Variants in RSU1 observed in about 807,000 individuals in gnomAD.
The protein encoded by RSU1 is Ras suppressor protein 1.
RSU1 carries 26 observed loss-of-function variants against 31.1 expected under a neutral mutation model. The observed-to-expected ratio is 0.84, with a 90% CI of 0.61 to 1.16. The LOEUF (loss-of-function observed/expected upper bound fraction) is 1.16. Ranked by LOEUF, RSU1 falls within the 50% of genes most tolerant of loss-of-function variation. RSU1 has a pLI of 0.00. For synonymous variants in RSU1, 164 were observed against 136.3 expected, an observed-to-expected ratio of 1.20 and a Z score of -1.41; for missense variants, 320 against 339.1, an observed-to-expected ratio of 0.94 and a Z score of 0.44.
At chr10:16,767,139 C>G (rs1837330110) in intron 3 of RSU1, 1 of 152,250 alleles carries the variant, frequency 6.6e-6, no homozygotes, top group Non-Finnish European at 1.5e-5. Flanking sequence ...GACCTCATCC[C>G]TCCCCTGTCC....
intron 6 of RSU1, 87 bp downstream of exon 6, chr10:16,752,831 C>G: frequency 1.6e-6 from 2 of 1,252,550 alleles, no homozygotes; most frequent in Non-Finnish European, 2.3e-6. Flanking sequence ...CAAAACAAAC[C>G]TTACTCCTGC....
chr10:16,693,724 T>G (rs1835614070), intron 8 of RSU1, among the ~76,000 whole-genome samples: 1 of 151,964 alleles, frequency 6.6e-6, no homozygotes, highest in Admixed American at 6.6e-5. Flanking sequence ...TAGCTGGGCA[T>G]GGTGGTGTGC....
chr10:16,651,903 A>C (rs1047370080), intron 8 of RSU1, among the ~76,000 whole-genome samples: 3 of 152,234 alleles, frequency 2.0e-5, no homozygotes, highest in African/African-American at 7.2e-5. Flanking sequence ...AAAGTAAGTA[A>C]ATGAAATATT....
chr10:16,660,645 C>CTTGTTT (rs1554764415), intron 8 of RSU1, among the ~76,000 whole-genome samples: 4 of 79,542 alleles, frequency 5.0e-5, no homozygotes, highest in Non-Finnish European at 6.5e-5. Flanking sequence ...CTTGAACTCT[C>CTTGTTT]TTTTTTTTTT....
intron 2 of RSU1, among the ~76,000 whole-genome samples, chr10:16,801,610 G>A (rs1341047249): frequency 6.6e-6 from 1 of 151,974 alleles, no homozygotes; most frequent in Non-Finnish European, 1.5e-5. Flanking sequence ...AGCTTGCACA[G>A]AACATTCATA....
chr10:16,652,260 T>C (rs1834697645), intron 8 of RSU1, among the ~76,000 whole-genome samples: 1 of 151,974 alleles, frequency 6.6e-6, no homozygotes, highest in East Asian at 1.9e-4. Flanking sequence ...AAAATTCTCA[T>C]AGAAAAAGAA....
At chr10:16,768,731 G>A (rs1264400947) in intron 3 of RSU1, among the ~76,000 whole-genome samples, 5 of 152,198 alleles carry the variant, frequency 3.3e-5, no homozygotes, top group Non-Finnish European at 7.3e-5. Flanking sequence ...CTGAAGAACT[G>A]AATGTGATTC....
At chr10:16,742,460 G>A (rs1395831739) in intron 7 of RSU1, among the ~76,000 whole-genome samples, 3 of 151,918 alleles carry the variant, frequency 2.0e-5, no homozygotes, top group African/African-American at 7.3e-5. Flanking sequence ...ATTTGGGTCT[G>A]ACTCAGTATA....
intron 4 of RSU1, among the ~76,000 whole-genome samples, chr10:16,761,866 C>T (rs920217994): frequency 6.6e-6 from 1 of 152,044 alleles, no homozygotes; most frequent in South Asian, 2.1e-4. Context: ...AAAAACAAAA[C>T]AAAACAAAAG....
At chr10:16,750,409 A>G (rs796717352) in intron 7 of RSU1, among the ~76,000 whole-genome samples, 66 of 152,344 alleles carry the variant, frequency 4.3e-4, no homozygotes, top group African/African-American at 1.5e-3. Flanking sequence ...CTACACCTGA[A>G]TAAAAATATA....
rs1833538459 is a variant in RSU1, at chr10:16,593,080, G to C, written c.*314C>G. 1 of 222,018 alleles carries C rather than the reference G, an allele frequency of 4.5e-6. No individual in the cohort carries two copies. Among genetic ancestry groups the C allele is most frequent in the African/African-American group, 2.3e-5 (1 of 44,066 alleles). The allele number at this position is 222,018 out of a possible 1,614,324, so 13.8% of individuals were successfully genotyped here. A position where few individuals can be genotyped will look rare whatever the true frequency, so the allele number is the denominator to read the frequency against. Reference sequence around the variant, plus strand: ...GTTACATGATTTTAATTATTCTTTTGATAATAAGCAACCTTGTGATATCTA... The same window carrying C: ...GTTACATGATTTTAATTATTCTTTTCATAATAAGCAACCTTGTGATATCTA... On this transcript the variant is annotated 3_prime_UTR_variant, in exon 9 of 9. Transcript: ENST00000345264.
chr10:16,613,958 T>C (rs772636165), intron 8 of RSU1, among the ~76,000 whole-genome samples: 1 of 152,140 alleles, frequency 6.6e-6, no homozygotes, highest in Non-Finnish European at 1.5e-5. Context: ...AATTGGAGGT[T>C]ACAAGGCAAA....
chr10:16,750,288 A>G lies in RSU1; in HGVS notation c.598+2251T>C, dbSNP rs571645636. 2.0e-5 allele frequency among the ~76,000 whole-genome samples: 3 copies of G among 152,312 alleles called. No individual in the cohort carries two copies. The South Asian group carries it at 6.2e-4, about 32-fold the overall frequency. ...ACTTCTAAAGGTTTATCACGTACTT[A>G]CAACTGTTTGTCTATAATCAGGAAA... is the stretch of plus-strand genomic sequence containing the variant. On this transcript the variant is annotated intron_variant, in intron 7 of 8. Coordinates refer to ENST00000345264, the MANE Select transcript of RSU1 (RefSeq NM_012425.4).
intron 2 of RSU1, among the ~76,000 whole-genome samples, chr10:16,791,527 G>C (rs1227507025): frequency 6.6e-6 from 1 of 151,698 alleles, no homozygotes; most frequent in African/African-American, 2.4e-5. Context: ...TACTTGGGAG[G>C]CTGAGGCAGA....
At chr10:16,735,675 C>T (rs1836611074) in intron 7 of RSU1, among the ~76,000 whole-genome samples, 1 of 152,094 alleles carries the variant, frequency 6.6e-6, no homozygotes, top group African/African-American at 2.4e-5. Context: ...AGAGGGGAAG[C>T]AAACATGTCC....
At position 16,779,768 on chromosome 10, in the gene RSU1, G is replaced by A. The variant is rs574545833; in HGVS notation, c.160+2266C>T. Among the ~76,000 whole-genome samples the A allele has an allele frequency of 3.3e-3, 505 of 152,246 alleles. 1 individual carries two copies. The highest frequency in any genetic ancestry group is 5.0e-3 in the Non-Finnish European group (341 of 68,016). On this transcript the variant is annotated intron_variant, in intron 3 of 8. Coordinates refer to ENST00000345264, the MANE Select transcript of RSU1 (RefSeq NM_012425.4). ...GTGTGCCTAGCCACTTACACTTAAT[G>A]CATATTTATATTTCCATCAAATGGA...
intron 7 of RSU1, among the ~76,000 whole-genome samples, chr10:16,733,652 G>T (rs1836565705): frequency 6.6e-6 from 1 of 152,122 alleles, no homozygotes; most frequent in African/African-American, 2.4e-5. Context: ...CTGTTATAAA[G>T]GCTATAACAC....
chr10:16,622,612 A>G lies in RSU1; in HGVS notation c.732-29116T>C, dbSNP rs1235522859. On this transcript the variant is annotated intron_variant, in intron 8 of 8. Transcript: ENST00000345264. ...AGCACTCAGTGAGAATAGATATGGG[A>G]AAAAAAATGTTGAATGGCAGAGTTC... is the stretch of plus-strand genomic sequence containing the variant. 8.0e-5 allele frequency among the ~76,000 whole-genome samples: 12 copies of G among 149,338 alleles called. No individual in the cohort carries two copies. The South Asian group carries it at 2.4e-3, about 30-fold the overall frequency.
At position 16,683,160 on chromosome 10, in the gene RSU1, G is replaced by GGTGTGTGTGTGTGTGT. The variant is rs4012467; in HGVS notation, c.731+11847_731+11862dup. Among the ~76,000 whole-genome samples, 607 of 143,434 alleles carry GGTGTGTGTGTGTGTGT rather than the reference G, an allele frequency of 4.2e-3. 4 individuals carry two copies. The highest frequency in any genetic ancestry group is 0.013 in the African/African-American group (485 of 38,474). The allele number at this position is 143,434 out of a possible 152,430, so 94.1% of individuals were successfully genotyped here. On this transcript the variant is annotated intron_variant, in intron 8 of 8. Coordinates refer to ENST00000345264, the MANE Select transcript of RSU1 (RefSeq NM_012425.4). Reference sequence around the variant, plus strand: ...AGCCTTAAGAGAGGAATGGGTGTGTGGTGTGTGTGTGTGTGTGTGTGTGTT... The same window carrying GGTGTGTGTGTGTGTGT: ...AGCCTTAAGAGAGGAATGGGTGTGTGGTGTGTGTGTGTGTGTGTGTGTGTGTGTGTGTGTGTGTGTT...
Sources: gnomAD v4.1 joint callset for allele counts (sites outside exome capture counted in the v4.1 genomes callset) on GRCh38, gnomAD v4.1.1 for gene constraint, MANE v1.5 for transcripts, NCBI Gene and HGNC (gene_info 2026-07-23, HGNC 2026-07-21) for gene names.